Variants in TSNARE1 observed in about 807,000 individuals in gnomAD.
TSNARE1 encodes t-SNARE domain containing 1, also known as t-SNARE domain-containing protein 1.
TSNARE1 carries 49 observed loss-of-function variants against 62.0 expected under a neutral mutation model. The ratio of observed to expected loss-of-function variants is 0.79; its 90% CI spans 0.63 to 1.00. The LOEUF is 1.00. Among genes scored for constraint, TSNARE1 ranks in the 50% least tolerant of loss-of-function variants. The pLI, the probability that TSNARE1 is intolerant of heterozygous loss-of-function variation, is 0.00. For missense variants in TSNARE1, 755 were observed against 700.1 expected (o/e 1.08, Z -0.88); for synonymous variants, 328 against 294.4 (o/e 1.11, Z -1.17).
rs981925747 is a variant in TSNARE1 at position 142,344,403 on chromosome 8, T to C, written c.308A>G (p.Lys103Arg). 7 of 1,588,198 alleles carry C rather than the reference T, an allele frequency of 4.4e-6. No individual in the cohort carries two copies. The Admixed American group carries it at 1.1e-4, about 25-fold the overall frequency. Residue 103 changes from lysine to arginine, a missense_variant, in exon 4 of 14, where the codon AAG (lysine) becomes AGG (arginine). By Grantham distance (26) the Lys-to-Arg change is conservative. Coordinates refer to ENST00000524325, the MANE Select transcript of TSNARE1 (RefSeq NM_145003.5). ...GCCATGGGGCCCAGCAGCCGAGTCC[T>C]TCCTCGGGCCAATGGTGGGTGATGA... is the stretch of plus-strand genomic sequence containing the variant. Reference protein sequence around the residue: ...PTSSPTIGPRKDSAAGPHGRM... With the variant: ...PTSSPTIGPRRDSAAGPHGRM...
intron 10 of TSNARE1, among the ~76,000 whole-genome samples, chr8:142,297,278 C>T (rs1824925235): frequency 6.6e-6 from 1 of 152,222 alleles, no homozygotes; most frequent in African/African-American, 2.4e-5. Context: ...CCGATCTGCA[C>T]CCTGCCTGAC....
chr8:142,369,076 G>T (rs552522425), intron 1 of TSNARE1, among the ~76,000 whole-genome samples: 1 of 152,316 alleles, frequency 6.6e-6, no homozygotes, highest in East Asian at 1.9e-4. Context: ...TGAGACAACC[G>T]CCACCCGGCT....
At chr8:142,300,688 TACC>T (rs759009198) in intron 9 of TSNARE1, 44 bp from the exon 10 acceptor site, 15 of 1,578,202 alleles carry the variant, frequency 9.5e-6, no homozygotes, top group African/African-American at 8.1e-5. Context: ...CCCCTCCCAT[TACC>T]ACCACAACCC....
rs1821127719 is a variant in TSNARE1 at position 142,279,892 on chromosome 8, T to C, written c.1363+4521A>G. 8.7e-6 allele frequency: 9 copies of C among 1,039,146 alleles called. No homozygotes were observed. In the South Asian group the frequency reaches 2.2e-4, roughly 26 times the overall value. The allele number at this position is 1,039,146 out of a possible 1,614,324, so 64.4% of individuals were successfully genotyped here. A position where few individuals can be genotyped will look rare whatever the true frequency, so the allele number is the denominator to read the frequency against. On this transcript the variant is annotated intron_variant, in intron 11 of 13. Coordinates refer to ENST00000524325, the MANE Select transcript of TSNARE1 (RefSeq NM_145003.5). ...GGGCTCCGTGGTCTGGCCCTCGCCT[T>C]GGGGACCGTGGGCAGAAAAGGTCTC...
At chr8:142,285,303 G>A (rs950008369) in intron 10 of TSNARE1, among the ~76,000 whole-genome samples, 1 of 150,496 alleles carries the variant, frequency 6.6e-6, no homozygotes, top group East Asian at 2.0e-4. Flanking sequence ...TGGGTAGGTG[G>A]ATGGATGGAT....
intron 1 of TSNARE1, among the ~76,000 whole-genome samples, chr8:142,372,582 C>G (rs1283053656): frequency 2.0e-5 from 3 of 152,184 alleles, no homozygotes; most frequent in African/African-American, 7.2e-5. Context: ...GCAGCAGGGG[C>G]AAAGGGGCTC....
chr8:142,303,635 G>A (rs561636786), intron 9 of TSNARE1, among the ~76,000 whole-genome samples: 8 of 152,332 alleles, frequency 5.3e-5, no homozygotes, highest in African/African-American at 1.4e-4. Flanking sequence ...GATGAACCCC[G>A]GCTGGACACC....
At chr8:142,351,471 T>C (rs1586968039) in intron 2 of TSNARE1, among the ~76,000 whole-genome samples, 2 of 152,112 alleles carry the variant, frequency 1.3e-5, no homozygotes, top group African/African-American at 4.8e-5. Flanking sequence ...TTGCAAGACA[T>C]TAAAGAAAAC....
intron 1 of TSNARE1, among the ~76,000 whole-genome samples, chr8:142,358,266 G>T (rs143645282): frequency 4.5e-4 from 51 of 114,108 alleles, no homozygotes; most frequent in African/African-American, 1.3e-3. Flanking sequence ...GGGTCTGCTG[G>T]GTTTCAGGAC....
At chr8:142,364,775 AATG>A (rs1257087520) in intron 1 of TSNARE1, among the ~76,000 whole-genome samples, 3 of 152,240 alleles carry the variant, frequency 2.0e-5, no homozygotes, top group Non-Finnish European at 4.4e-5. Context: ...GAAAATAAAT[AATG>A]ATAAGAATTG....
chr8:142,329,007 A>G (rs944818409), intron 6 of TSNARE1, among the ~76,000 whole-genome samples: 2 of 152,202 alleles, frequency 1.3e-5, no homozygotes, highest in South Asian at 4.1e-4. Context: ...CTTTTCCCTG[A>G]CGAAATGATG....
At chr8:142,288,042 G>A (rs1563835034) in intron 10 of TSNARE1, among the ~76,000 whole-genome samples, 2 of 152,274 alleles carry the variant, frequency 1.3e-5, no homozygotes, top group Admixed American at 1.3e-4. Flanking sequence ...CCCATGAGCA[G>A]GGGCAGAGAA....
chr8:142,353,592 G>A (rs1325307928), intron 2 of TSNARE1, among the ~76,000 whole-genome samples: 2 of 152,204 alleles, frequency 1.3e-5, no homozygotes, highest in African/African-American at 2.4e-5. Context: ...CCGCCCTCTC[G>A]AGCACATGCT....
At chr8:142,358,383 C>T (rs1360450800) in intron 1 of TSNARE1, among the ~76,000 whole-genome samples, 1 of 152,116 alleles carries the variant, frequency 6.6e-6, no homozygotes. Context: ...GAGGTAGGAA[C>T]GCTCATGGGA....
intron 12 of TSNARE1, among the ~76,000 whole-genome samples, chr8:142,268,208 T>C (rs2130451307): frequency 6.6e-6 from 1 of 152,354 alleles, no homozygotes; most frequent in Non-Finnish European, 1.5e-5. Flanking sequence ...TCTGCTGTCC[T>C]GGCCATGCTC....
chr8:142,362,068 C>G (rs1404233685), intron 1 of TSNARE1, among the ~76,000 whole-genome samples: 1 of 152,258 alleles, frequency 6.6e-6, no homozygotes, highest in African/African-American at 2.4e-5. Context: ...AGCTGCCCAC[C>G]AGGAGCCCCC....
At chr8:142,333,282 C>A (rs1330839616) in intron 4 of TSNARE1, among the ~76,000 whole-genome samples, 1 of 152,186 alleles carries the variant, frequency 6.6e-6, no homozygotes, top group African/African-American at 2.4e-5. Flanking sequence ...GGGGGCCGAG[C>A]TCGCTCCGAA....
chr8:142,331,010 C>A, intron 5 of TSNARE1, 40 bp from the exon 6 acceptor site: 1 of 1,585,902 alleles, frequency 6.3e-7, no homozygotes, highest in Non-Finnish European at 8.7e-7. Flanking sequence ...GCAGAAGGAG[C>A]TTCCCTGCCC....
chr8:142,294,643 G>C (rs966743272), intron 10 of TSNARE1, among the ~76,000 whole-genome samples: 12 of 152,236 alleles, frequency 7.9e-5, no homozygotes, highest in African/African-American at 2.7e-4. Context: ...AGAGGAGATG[G>C]GGCCGGTCAG....
Sources: gnomAD v4.1 joint callset for allele counts (sites outside exome capture counted in the v4.1 genomes callset) on GRCh38, gnomAD v4.1.1 for gene constraint, MANE v1.5 for transcripts, NCBI Gene and HGNC (gene_info 2026-07-23, HGNC 2026-07-21) for gene names.